PCDHGA5: variants seen among roughly 807,000 people sequenced by gnomAD.
PCDHGA5 encodes protocadherin gamma-A5.
In PCDHGA5, 36 loss-of-function variants were observed where a neutral mutation model predicts 56.7. The ratio of observed to expected loss-of-function variants is 0.64; its 90% CI spans 0.49 to 0.84. PCDHGA5 has a LOEUF of 0.84. Ranked by LOEUF, PCDHGA5 falls within the 40% of genes least tolerant of loss-of-function variation. The pLI is 0.00. For synonymous variants in PCDHGA5, 563 were observed against 520.2 expected (o/e 1.08, Z -1.12); for missense variants, 1,305 against 1,201.5 (o/e 1.09, Z -1.27).
intron 3 of PCDHGA5, chr5:141,507,213 G>C (rs1016967764): frequency 6.6e-6 from 1 of 152,558 alleles, no homozygotes; most frequent in African/African-American, 2.4e-5. Context: ...AGGGTTGCCA[G>C]ATAAAATACA....
intron 1 of PCDHGA5, chr5:141,394,021 G>C (rs2092901030): frequency 6.2e-7 from 1 of 1,613,480 alleles, no homozygotes; most frequent in Non-Finnish European, 8.5e-7. Flanking sequence ...AATTATTATA[G>C]ATTAGTGACA....
chr5:141,491,955 A>T lies in PCDHGA5; in HGVS notation c.2422-2852A>T. Reference sequence around the variant, plus strand: ...GGGACCGACCCCCACCCCTACACTCAAAAAAGGCCGGGGCCTCCTTCGAGC... The same window carrying T: ...GGGACCGACCCCCACCCCTACACTCTAAAAAGGCCGGGGCCTCCTTCGAGC... On this transcript the variant is annotated intron_variant, in intron 1 of 3. Coordinates refer to ENST00000518069, the MANE Select transcript of PCDHGA5 (RefSeq NM_018918.3). This position sits in a 1 kb window ranked among gnomAD's most constrained non-coding sequence, Gnocchi z 6.9. 9.7e-7 allele frequency: 1 copy of T among 1,029,648 alleles called. No homozygotes were observed. The highest frequency in any genetic ancestry group is 2.2e-5 in the South Asian group (1 of 44,530). The allele number at this position is 1,029,648 out of a possible 1,614,324, so 63.8% of individuals were successfully genotyped here. A position where few individuals can be genotyped will look rare whatever the true frequency, so the allele number is the denominator to read the frequency against.
At chr5:141,508,029 A>C (rs941166006) in intron 3 of PCDHGA5, 10 of 152,264 alleles carry the variant, frequency 6.6e-5, no homozygotes, top group African/African-American at 2.4e-4. Flanking sequence ...TGCGGTTTGC[A>C]GCTCAGCCAG....
chr5:141,378,114 A>C (rs1024564517), intron 1 of PCDHGA5: 2 of 152,284 alleles, frequency 1.3e-5, no homozygotes, highest in Non-Finnish European at 2.9e-5. Context: ...CAGCATAGTG[A>C]ACACGTATTT....
At chr5:141,374,379 G>T in intron 1 of PCDHGA5, 11 of 1,614,042 alleles carry the variant, frequency 6.8e-6, no homozygotes, top group Non-Finnish European at 9.3e-6. Flanking sequence ...TGTGCTCAGA[G>T]CCCGCGGTGT....
chr5:141,428,609 A>G, intron 1 of PCDHGA5: 1 of 215,052 alleles, frequency 4.7e-6, no homozygotes, highest in South Asian at 7.9e-5. Context: ...ACTGAAGAGA[A>G]TAACAAGATA....
In PCDHGA5 at chr5:141,432,059, A is replaced by G. The variant is rs752124614; in HGVS notation, c.2422-62748A>G. The stretch of plus-strand genomic sequence containing the variant: ...TGACCGGGGAACCCCGCCCCTATCC[A>G]CGGAAACTCATATCTCGCTGAACGT... On this transcript the variant is annotated intron_variant, in intron 1 of 3. Coordinates refer to ENST00000518069, the MANE Select transcript of PCDHGA5 (RefSeq NM_018918.3). The surrounding 1 kb of genome is among the most constrained non-coding windows in gnomAD (Gnocchi z 6.0). 17 of 1,614,052 alleles carry G rather than the reference A, an allele frequency of 1.1e-5. No individual in the cohort carries two copies. The highest frequency in any genetic ancestry group is 1.3e-5 in the African/African-American group (1 of 74,918).
intron 1 of PCDHGA5, among the ~76,000 whole-genome samples, chr5:141,450,470 AGTTT>A (rs199699353): frequency 4.6e-5 from 7 of 151,680 alleles, no homozygotes; most frequent in Non-Finnish European, 8.8e-5. Flanking sequence ...TTATATATAG[AGTTT>A]GTTTGTTTGT....
At chr5:141,438,591 C>CATACATAT (rs1228520343) in intron 1 of PCDHGA5, among the ~76,000 whole-genome samples, 2 of 75,562 alleles carry the variant, frequency 2.6e-5, no homozygotes, top group African/African-American at 4.5e-5. Context: ...TACATACATA[C>CATACATAT]ATATATATAT....
At chr5:141,464,035 C>T (rs564886798) in intron 1 of PCDHGA5, among the ~76,000 whole-genome samples, 1 of 152,066 alleles carries the variant, frequency 6.6e-6, no homozygotes, top group African/African-American at 2.4e-5. Context: ...GAGGCCAAGG[C>T]GGGTGGATCA....
At chr5:141,405,868 C>T (rs528188485) in intron 1 of PCDHGA5, among the ~76,000 whole-genome samples, 1 of 152,280 alleles carries the variant, frequency 6.6e-6, no homozygotes, top group Non-Finnish European at 1.5e-5. Context: ...TCACTTTTCA[C>T]TGGGCCTAAT....
chr5:141,467,008 A>T (rs1319152720), intron 1 of PCDHGA5, among the ~76,000 whole-genome samples: 1 of 150,270 alleles, frequency 6.7e-6, no homozygotes, highest in African/African-American at 2.4e-5. Context: ...TTGCAATGCA[A>T]TTTTTTTCCC....
Position 141,448,073 on chromosome 5 carries a change from C to T in PCDHGA5, c.2422-46734C>T, listed in dbSNP as rs1025112556. ...TGCTCTCCAGCCTGGGCAACATGAA[C>T]GAAATGCCATCTTAAAAAAAAAAAA... On this transcript the variant is annotated intron_variant, in intron 1 of 3. Coordinates refer to ENST00000518069, the MANE Select transcript of PCDHGA5 (RefSeq NM_018918.3). 3.3e-5 allele frequency among the ~76,000 whole-genome samples: 5 copies of T among 151,432 alleles called. No individual in the cohort carries two copies. In the East Asian group the frequency reaches 5.8e-4, roughly 18 times the overall value.
chr5:141,437,252 CTT>C (rs1030396727), intron 1 of PCDHGA5, among the ~76,000 whole-genome samples: 3 of 152,268 alleles, frequency 2.0e-5, no homozygotes, highest in Admixed American at 6.5e-5. Context: ...CTTTCCTTGT[CTT>C]TTTATGTGTA....
intron 2 of PCDHGA5, among the ~76,000 whole-genome samples, chr5:141,504,748 T>A (rs979724181): frequency 7.2e-5 from 11 of 151,880 alleles, no homozygotes; most frequent in Non-Finnish European, 1.3e-4. Context: ...CCATTGAATT[T>A]TAGAAATTTC....
chr5:141,393,120 C>T lies in PCDHGA5; in HGVS notation c.2421+26369C>T, dbSNP rs142751758. The T allele has an allele frequency of 9.0e-3, 14,600 of 1,613,382 alleles. 101 individuals carry two copies. The highest frequency in any genetic ancestry group is 0.01 in the Non-Finnish European group (11,861 of 1,179,884). On this transcript the variant is annotated intron_variant, in intron 1 of 3. Transcript: ENST00000518069. ...GCTCTGCGCTCAGAGCCCGCGGTGT[C>T]TGATAAATATTAACACCCTGGTTGA...
rs746773273 is a variant in PCDHGA5 at position 141,365,827 on chromosome 5, G to T, written c.1497G>T (p.Ala499=). 3.1e-6 allele frequency: 5 copies of T among 1,613,872 alleles called. No homozygotes were observed. Among genetic ancestry groups the T allele is most frequent in the Admixed American group, 1.7e-5 (1 of 60,014 alleles). Residue 499 remains alanine (A), a synonymous_variant, in exon 1 of 4, where the codon GCG becomes GCT. Transcript: ENST00000518069. ...TGGCTGAAGACACATTTCAGGGGGC[G>T]CCCTTGTCCTCCTATGTATCCATTA... ...YSLAEDTFQG[A]PLSSYVSINS...
intron 1 of PCDHGA5, chr5:141,399,930 C>G (rs1168427748): frequency 6.2e-7 from 1 of 1,612,208 alleles, no homozygotes. Context: ...CCTGGCTGTC[C>G]TACCACGTGC....
At chr5:141,402,162 A>T (rs2150923142) in intron 1 of PCDHGA5, among the ~76,000 whole-genome samples, 1 of 152,306 alleles carries the variant, frequency 6.6e-6, no homozygotes, top group East Asian at 1.9e-4. Context: ...TTAGGCGAGA[A>T]CATCTGTAAC....
Sources: allele counts gnomAD v4.1 joint callset (sites outside exome capture counted in the v4.1 genomes callset), GRCh38; gene constraint gnomAD v4.1.1; non-coding constraint Gnocchi (gnomAD v3.1); transcripts MANE v1.5; gene names NCBI Gene and HGNC (gene_info 2026-07-23, HGNC 2026-07-21).